C14orf132: variants seen among roughly 807,000 people sequenced by gnomAD.
The protein encoded by C14orf132 is chromosome 14 open reading frame 132, also known as uncharacterized protein C14orf132.
In C14orf132, 6 loss-of-function variants were observed where a neutral mutation model predicts 5.8. The ratio of observed to expected loss-of-function variants is 1.03; its 90% confidence interval spans 0.57 to 2.04. The LOEUF is 2.04. Among genes scored for constraint, C14orf132 ranks in the 30% most tolerant of loss-of-function variants. The pLI, the probability that C14orf132 is intolerant of heterozygous loss-of-function variation, is 0.00. For synonymous variants in C14orf132, 51 were observed against 49.8 expected (o/e 1.02, Z -0.10); for missense variants, 125 against 115.8 (o/e 1.08, Z -0.37).
intron 1 of C14orf132, among the ~76,000 whole-genome samples, chr14:96,053,681 T>A (rs189385417): frequency 2.0e-5 from 3 of 152,312 alleles, no homozygotes; most frequent in South Asian, 2.1e-4. Flanking sequence ...GGCCTTTGCC[T>A]GTTCAGTCTC....
intron 1 of C14orf132, among the ~76,000 whole-genome samples, chr14:96,077,360 T>C (rs951985242): frequency 2.0e-5 from 3 of 152,166 alleles, no homozygotes; most frequent in African/African-American, 4.8e-5. Context: ...AAACCCTAAC[T>C]CCCAATACCT....
At chr14:96,081,250 C>A (rs766298198) in intron 1 of C14orf132, among the ~76,000 whole-genome samples, 1 of 152,202 alleles carries the variant, frequency 6.6e-6, no homozygotes, top group Non-Finnish European at 1.5e-5. Flanking sequence ...TGTGACTTGC[C>A]TTTTCCCCTA....
chr14:96,082,847 C>T (rs1013844436), intron 1 of C14orf132, among the ~76,000 whole-genome samples: 1 of 152,214 alleles, frequency 6.6e-6, no homozygotes, highest in Non-Finnish European at 1.5e-5. Context: ...TTATTCACTG[C>T]TTGCAACAAT....
intron 1 of C14orf132, among the ~76,000 whole-genome samples, chr14:96,071,394 AC>A (rs1244094406): frequency 6.6e-6 from 1 of 151,952 alleles, no homozygotes; most frequent in African/African-American, 2.4e-5. Flanking sequence ...ACACAGCCAA[AC>A]CATTTCACTC....
chr14:96,092,691 T>G lies in C14orf132; in HGVS notation c.*5956T>G, dbSNP rs1888453838. The G allele has an allele frequency of 6.6e-6, 1 of 152,220 alleles. No homozygotes were observed. The highest frequency in any genetic ancestry group is 6.5e-5 in the Admixed American group (1 of 15,276). The allele number at this position is 152,220 out of a possible 1,614,324, so 9.4% of individuals were successfully genotyped here. The stretch of plus-strand genomic sequence containing the variant: ...TGAGGAAAATGAATCTCTGAGAGGC[T>G]TGAGAGTGTTGCCAGGTGGAGCTTT... On this transcript the variant is annotated 3_prime_UTR_variant, in exon 2 of 2. Transcript: ENST00000555004.
At chr14:96,073,144 C>T (rs1177168163) in intron 1 of C14orf132, among the ~76,000 whole-genome samples, 2 of 139,404 alleles carry the variant, frequency 1.4e-5, no homozygotes, top group Admixed American at 7.0e-5. Flanking sequence ...AAATTAGGAA[C>T]ATCAGGTTTT....
chr14:96,061,149 G>A (rs781155875), intron 1 of C14orf132, among the ~76,000 whole-genome samples: 3 of 152,156 alleles, frequency 2.0e-5, no homozygotes, highest in Non-Finnish European at 4.4e-5. Flanking sequence ...CTCATTCTCA[G>A]GGCTTTTCTT....
At chr14:96,081,982 G>GC (rs1888044966) in intron 1 of C14orf132, among the ~76,000 whole-genome samples, 1 of 151,834 alleles carries the variant, frequency 6.6e-6, no homozygotes, top group Non-Finnish European at 1.5e-5. Flanking sequence ...AGCCCCCCTC[G>GC]CCCCCCAGGT....
intron 1 of C14orf132, among the ~76,000 whole-genome samples, chr14:96,074,791 C>A (rs1422208856): frequency 9.6e-6 from 1 of 103,928 alleles, no homozygotes; most frequent in East Asian, 9.9e-4. Flanking sequence ...CATCCTTTTG[C>A]TAACACTACA....
chr14:96,070,460 T>C (rs576787258), intron 1 of C14orf132, among the ~76,000 whole-genome samples: 2 of 152,084 alleles, frequency 1.3e-5, no homozygotes, highest in South Asian at 4.2e-4. Context: ...CAGATAAAAC[T>C]GGAGCCAGGT....
At chr14:96,053,106 C>T (rs1157697255) in intron 1 of C14orf132, among the ~76,000 whole-genome samples, 1 of 152,134 alleles carries the variant, frequency 6.6e-6, no homozygotes, top group Admixed American at 6.6e-5. Flanking sequence ...GCTGGTCACC[C>T]TACCCAGAGG....
intron 1 of C14orf132, among the ~76,000 whole-genome samples, chr14:96,082,018 T>C (rs1381077563): frequency 1.3e-5 from 2 of 152,214 alleles, no homozygotes; most frequent in East Asian, 1.9e-4. Flanking sequence ...TGGTTGCCAG[T>C]GTCTAACTCA....
chr14:96,068,109 C>A (rs1446148336), intron 1 of C14orf132, among the ~76,000 whole-genome samples: 1 of 152,192 alleles, frequency 6.6e-6, no homozygotes, highest in Non-Finnish European at 1.5e-5. Context: ...AAACATTAGT[C>A]AAGGAGAGTG....
chr14:96,049,653 TAGAGAG>T lies in C14orf132; in HGVS notation c.27+10141_27+10146del. On this transcript the variant is annotated intron_variant, in intron 1 of 1. Coordinates refer to ENST00000555004, the MANE Select transcript of C14orf132 (RefSeq NM_001252507.3). ...ATACATATATACGTATATATATATATAGAGAGAGAGAGAGAGAGAGTTCTGTCTTCT... is the reference window on the plus strand; with the variant it reads ...ATACATATATACGTATATATATATATAGAGAGAGAGAGAGTTCTGTCTTCT... Among the ~76,000 whole-genome samples the T allele has an allele frequency of 2.4e-5, 2 of 82,280 alleles. 1 individual carries two copies. The highest frequency in any genetic ancestry group is 4.9e-5 in the Non-Finnish European group (2 of 40,694). 54.0% of individuals were successfully genotyped at this position (82,280 alleles called of 152,430 possible).
intron 1 of C14orf132, among the ~76,000 whole-genome samples, chr14:96,071,955 C>A (rs1463061348): frequency 6.6e-6 from 1 of 152,228 alleles, no homozygotes; most frequent in Non-Finnish European, 1.5e-5. Context: ...TGAATGTGGC[C>A]TCACAGAGAG....
intron 1 of C14orf132, among the ~76,000 whole-genome samples, chr14:96,065,475 TTCACTCCA>T (rs1363198434): frequency 6.6e-6 from 1 of 152,094 alleles, no homozygotes; most frequent in South Asian, 2.1e-4. Flanking sequence ...CGGCCGCCGC[TTCACTCCA>T]GTATGCGTGT....
chr14:96,069,221 GTTCACA>G (rs59020960), intron 1 of C14orf132, among the ~76,000 whole-genome samples: 1 of 96,416 alleles, frequency 1.0e-5, no homozygotes, highest in Non-Finnish European at 2.1e-5. Flanking sequence ...TTCTGTTTAT[GTTCACA>G]TATATATGTT....
chr14:96,093,725 A>G lies in C14orf132; in HGVS notation c.*6990A>G, dbSNP rs1460500854. The G allele has an allele frequency of 2.6e-5, 4 of 152,232 alleles. No individual in the cohort carries two copies. The highest frequency in any genetic ancestry group is 2.6e-4 in the Admixed American group (4 of 15,292). 9.4% of individuals were successfully genotyped at this position (152,232 alleles called of 1,614,324 possible). A position where few individuals can be genotyped will look rare whatever the true frequency, so the allele number is the denominator to read the frequency against. ...ACCATGCGATCACTGACTTCTCTAC[A>G]GTGAAGACTCTTTCTTAATAAAGGA... On this transcript the variant is annotated 3_prime_UTR_variant, in exon 2 of 2. Transcript: ENST00000555004.
intron 1 of C14orf132, among the ~76,000 whole-genome samples, chr14:96,070,596 T>C (rs868278509): frequency 7.0e-6 from 1 of 142,558 alleles, no homozygotes; most frequent in Non-Finnish European, 1.5e-5. Flanking sequence ...TCTCTCTCTC[T>C]CACACACACA....
Sources: allele counts gnomAD v4.1 joint callset (sites outside exome capture counted in the v4.1 genomes callset), GRCh38; gene constraint gnomAD v4.1.1; transcripts MANE v1.5; gene names NCBI Gene and HGNC (gene_info 2026-07-23, HGNC 2026-07-21).